MAF: variants seen among roughly 807,000 people sequenced by gnomAD.
MAF encodes the protein transcription factor Maf.
MAF carries 10 observed loss-of-function variants against 22.0 expected under a neutral mutation model. The ratio of observed to expected loss-of-function variants is 0.45; its 90% CI spans 0.28 to 0.77. MAF has a LOEUF of 0.77. Among genes scored for constraint, MAF ranks in the 30% least tolerant of loss-of-function variants. MAF has a pLI of 0.12. For synonymous variants in MAF, 337 were observed against 255.8 expected, an observed-to-expected ratio of 1.32 and a Z score of -3.03; for missense variants, 544 against 548.4, an observed-to-expected ratio of 0.99 and a Z score of 0.08.
At chr16:79,496,168 T>TG in the MAF span, among the ~76,000 whole-genome samples, 1 of 152,156 alleles carries the variant, frequency 6.6e-6, no homozygotes, top group African/African-American at 2.4e-5. Context: ...GTATTTGTTA[T>TG]GCAGCAGTAG....
At position 79,599,455 on chromosome 16, in the gene MAF, A is replaced by G. The variant is rs1913850629; in HGVS notation, c.448T>C (p.Leu150=). The change falls in exon 1 of 2, where the codon TTG becomes CTG. Residue 150 remains leucine (L), a synonymous_variant. Transcript: ENST00000326043. ...CCCATCTCCTCGCCGCTGCCGCCCA[A>G]GGAGGCGCCGGCACCGGCCCCGGCC... ...AAAGAGAGAS[L]GGSGEEMGPA... is the part of the protein sequence containing the mutation. 7.6e-7 allele frequency: 1 copy of G among 1,307,986 alleles called. No homozygotes were observed. Among genetic ancestry groups the G allele is most frequent in the Non-Finnish European group, 9.6e-7 (1 of 1,037,578 alleles). The allele number at this position is 1,307,986 out of a possible 1,614,324, so 81.0% of individuals were successfully genotyped here.
chr16:79,373,359 CTTTTTTTTTTTTTTTTTTTTTTTTTTTT>C, the MAF span, among the ~76,000 whole-genome samples: 2 of 33,300 alleles, frequency 6.0e-5, no homozygotes, highest in Admixed American at 5.1e-4. Context: ...GGACTGGTAG[CTTTTTTTTTTTTTTTTTTTTTTTTTTTT>C]TTTTTTTTTT....
chr16:79,431,390 T>G, the MAF span, among the ~76,000 whole-genome samples: 1 of 152,220 alleles, frequency 6.6e-6, no homozygotes, highest in African/African-American at 2.4e-5. Flanking sequence ...AGCAAGTTAT[T>G]TAACTTCTCA....
the MAF span, among the ~76,000 whole-genome samples, chr16:79,544,836 G>A: frequency 6.6e-6 from 1 of 151,202 alleles, no homozygotes; most frequent in Non-Finnish European, 1.5e-5. Context: ...TTTATGTATT[G>A]ATATGGCACC....
At chr16:79,565,506 T>TGG in the MAF span, among the ~76,000 whole-genome samples, 108 of 149,152 alleles carry the variant, frequency 7.2e-4, no homozygotes, top group African/African-American at 1.9e-3. Context: ...TCACGTGTTG[T>TGG]GGGGGGGGGG....
the MAF span, among the ~76,000 whole-genome samples, chr16:79,511,355 G>C: frequency 6.6e-6 from 1 of 152,150 alleles, no homozygotes; most frequent in Non-Finnish European, 1.5e-5. Context: ...TGATTTAAGA[G>C]AGAGAGAAAG....
At chr16:79,324,185 G>A in the MAF span, among the ~76,000 whole-genome samples, 4 of 152,070 alleles carry the variant, frequency 2.6e-5, no homozygotes, top group South Asian at 4.1e-4. Flanking sequence ...GTGGGCATGA[G>A]TAGCGCCCAT....
chr16:79,390,566 C>T, the MAF span, among the ~76,000 whole-genome samples: 1 of 152,170 alleles, frequency 6.6e-6, no homozygotes, highest in Non-Finnish European at 1.5e-5. Context: ...CATCAAGGAA[C>T]AGACTGCTCT....
chr16:79,392,118 GAGA>G, the MAF span, among the ~76,000 whole-genome samples: 2 of 147,992 alleles, frequency 1.4e-5, no homozygotes, highest in African/African-American at 2.5e-5. Flanking sequence ...AGAGAGGAAA[GAGA>G]AGAAGAGAGG....
the MAF span, among the ~76,000 whole-genome samples, chr16:79,548,614 TTTC>T: frequency 6.6e-6 from 1 of 152,196 alleles, no homozygotes; most frequent in Admixed American, 6.5e-5. Context: ...GTCTTGTGTT[TTTC>T]TGAAAACCCT....
At chr16:79,536,719 T>C in the MAF span, among the ~76,000 whole-genome samples, 1 of 152,320 alleles carries the variant, frequency 6.6e-6, no homozygotes, top group East Asian at 1.9e-4. Flanking sequence ...TAGAGAACTT[T>C]TTTTCCCTGT....
At chr16:79,571,097 CCCA>C in the MAF span, among the ~76,000 whole-genome samples, 1 of 148,328 alleles carries the variant, frequency 6.7e-6, no homozygotes, top group African/African-American at 2.5e-5. Context: ...CTGAGGAATC[CCCA>C]CATTTCCAGT....
chr16:79,466,115 G>C, the MAF span, among the ~76,000 whole-genome samples: 1 of 152,154 alleles, frequency 6.6e-6, no homozygotes, highest in African/African-American at 2.4e-5. Context: ...GGGATCTCCA[G>C]ACAAGTCCAG....
the MAF span, among the ~76,000 whole-genome samples, chr16:79,555,842 T>A: frequency 6.6e-6 from 1 of 152,182 alleles, no homozygotes; most frequent in Non-Finnish European, 1.5e-5. Flanking sequence ...CAGATATAGA[T>A]AACTTTGAGG....
chr16:79,252,068 A>C, the MAF span, among the ~76,000 whole-genome samples: 1 of 152,274 alleles, frequency 6.6e-6, no homozygotes, highest in Non-Finnish European at 1.5e-5. Context: ...CGGCCTGCAG[A>C]AACCTAACAA....
chr16:79,339,105 TG>T, the MAF span, among the ~76,000 whole-genome samples: 3 of 152,314 alleles, frequency 2.0e-5, no homozygotes, highest in South Asian at 4.1e-4. Flanking sequence ...GGAGTCTCAC[TG>T]TCGCCCAGGC....
the MAF span, among the ~76,000 whole-genome samples, chr16:79,555,091 C>G: frequency 1.3e-5 from 2 of 152,166 alleles, no homozygotes; most frequent in Non-Finnish European, 2.9e-5. Flanking sequence ...CTCTGGCAGG[C>G]TGACCTAAGG....
the MAF span, among the ~76,000 whole-genome samples, chr16:79,394,056 G>A: frequency 7.2e-5 from 11 of 152,110 alleles, no homozygotes; most frequent in South Asian, 2.1e-4. Flanking sequence ...GCTTCACCAC[G>A]TGCATGTTCT....
At chr16:79,433,176 C>T in the MAF span, among the ~76,000 whole-genome samples, 1 of 151,434 alleles carries the variant, frequency 6.6e-6, no homozygotes, top group African/African-American at 2.4e-5. Context: ...TCTTTCATTG[C>T]CAAAGGGTGA....
Sources: gnomAD v4.1 joint callset for allele counts (sites outside exome capture counted in the v4.1 genomes callset) on GRCh38, gnomAD v4.1.1 for gene constraint, MANE v1.5 for transcripts, NCBI Gene and HGNC (gene_info 2026-07-23, HGNC 2026-07-21) for gene names.